The following IL5 variants were observed in gnomAD, a reference collection of about 807,000 sequenced individuals.
The protein encoded by IL5 is interleukin-5.
A neutral mutation model predicts 16.3 loss-of-function variants in IL5; 12 were observed. That is an observed-to-expected ratio of 0.74 (90% CI 0.47 to 1.20). IL5 has a LOEUF of 1.20. Among genes scored for constraint, IL5 ranks in the 50% most tolerant of loss-of-function variants. The pLI is 0.00. For missense variants in IL5, 159 were observed against 153.9 expected (o/e 1.03, Z -0.17); for synonymous variants, 54 against 56.6 (o/e 0.95, Z 0.21).
At position 132,541,800 on chromosome 5, in the gene IL5, C is replaced by T. The variant is rs766388694; in HGVS notation, c.*11G>A. On this transcript the variant is annotated 3_prime_UTR_variant, in exon 4 of 4. Coordinates refer to ENST00000231454, the MANE Select transcript of IL5 (RefSeq NM_000879.3). ...CTCCAAAATCTTTGGCTGCAACAAACCAGTTTAGTCTCAACTTTCTATTAT... is the reference window on the plus strand; with the variant it reads ...CTCCAAAATCTTTGGCTGCAACAAATCAGTTTAGTCTCAACTTTCTATTAT... 7 of 1,583,346 alleles carry T rather than the reference C, an allele frequency of 4.4e-6. No homozygotes were observed. In the South Asian group the frequency reaches 6.7e-5, roughly 15 times the overall value.
intron 2 of IL5, among the ~76,000 whole-genome samples, chr5:132,542,588 A>T (rs952790713): frequency 1.3e-5 from 2 of 152,184 alleles, no homozygotes; most frequent in South Asian, 4.1e-4. Flanking sequence ...GACTAATAAA[A>T]CTATATATTT....
At chr5:132,543,565 A>G, upstream of IL5, 1 of 1,357,098 alleles carries the variant, frequency 7.4e-7, no homozygotes, top group Non-Finnish European at 9.9e-7. Flanking sequence ...TCTGTCTTTG[A>G]GGAAATGAAT....
At chr5:132,546,950 T>A (rs1477728335), upstream of IL5, among the ~76,000 whole-genome samples, 3 of 152,098 alleles carry the variant, frequency 2.0e-5, no homozygotes, top group Non-Finnish European at 4.4e-5. Context: ...GGCGTGAACC[T>A]GGGAGGTGGA....
chr5:132,550,800 G>T (rs746386058), intron 1 of IL5, among the ~76,000 whole-genome samples: 5 of 152,200 alleles, frequency 3.3e-5, no homozygotes, highest in African/African-American at 4.8e-5. Flanking sequence ...GAAGGAAGAA[G>T]TGACGCAGAA....
intron 1 of IL5, among the ~76,000 whole-genome samples, chr5:132,552,365 T>C (rs1358454853): frequency 6.6e-6 from 1 of 152,232 alleles, no homozygotes; most frequent in African/African-American, 2.4e-5. Flanking sequence ...ATTTTTTATT[T>C]CATTAATTTT....
chr5:132,555,231 G>A (rs1311747195), intron 1 of IL5, among the ~76,000 whole-genome samples: 1 of 152,186 alleles, frequency 6.6e-6, no homozygotes, highest in Non-Finnish European at 1.5e-5. Context: ...CCCAGGGGTT[G>A]GGGACTGAGC....
At chr5:132,556,119 C>T (rs914113796) in intron 1 of IL5, 14 of 152,170 alleles carry the variant, frequency 9.2e-5, no homozygotes, top group African/African-American at 3.4e-4. Context: ...ACATTTCCTA[C>T]ATTTTTCCAA....
At chr5:132,556,801 C>A (rs1749994715) in exon 1 of IL5, 2 of 1,204,410 alleles carry the variant, frequency 1.7e-6, no homozygotes, top group Non-Finnish European at 2.1e-6. Context: ...CCTCTCCAGG[C>A]TGCCCATCCC....
intron 1 of IL5, among the ~76,000 whole-genome samples, chr5:132,548,641 C>T (rs868642188): frequency 1.3e-5 from 2 of 152,154 alleles, no homozygotes; most frequent in African/African-American, 4.8e-5. Context: ...CAGTCCCAGT[C>T]TGTGAGTGTG....
At chr5:132,545,949 CACAACA>C (rs140055064), upstream of IL5, among the ~76,000 whole-genome samples, 4 of 151,500 alleles carry the variant, frequency 2.6e-5, no homozygotes, top group Non-Finnish European at 4.4e-5. Context: ...AAACAAAAAG[CACAACA>C]ACAACAACAA....
intron 1 of IL5, among the ~76,000 whole-genome samples, chr5:132,548,672 C>A (rs887820342): frequency 2.0e-5 from 3 of 152,078 alleles, no homozygotes; most frequent in African/African-American, 7.2e-5. Context: ...TCTGTGTGTG[C>A]GTCTGTGTGC....
chr5:132,555,942 C>T (rs1749975576), intron 1 of IL5: 1 of 151,764 alleles, frequency 6.6e-6, no homozygotes, highest in Non-Finnish European at 1.5e-5. Context: ...TGTTTTGTTC[C>T]ATTAGTTATT....
chr5:132,548,180 G>A (rs925387813), upstream of IL5, among the ~76,000 whole-genome samples: 10 of 151,432 alleles, frequency 6.6e-5, no homozygotes, highest in Non-Finnish European at 1.3e-4. Flanking sequence ...AGGATCAATC[G>A]GGCCCAAGAG....
intron 1 of IL5, 102 bp from the exon 2 acceptor site, chr5:132,543,228 T>G: frequency 2.1e-6 from 3 of 1,402,344 alleles, no homozygotes; most frequent in Non-Finnish European, 3.0e-6. Context: ...TGTACTAATG[T>G]GCTCAGAATC....
chr5:132,543,010 C>T (rs1749722507), intron 2 of IL5, 84 bp downstream of exon 2: 1 of 1,006,940 alleles, frequency 9.9e-7, no homozygotes, highest in Non-Finnish European at 1.6e-6. Context: ...TTAAATAGTT[C>T]CAATGATAAC....
At chr5:132,543,638 A>G (rs1749738942), upstream of IL5, 1 of 513,198 alleles carries the variant, frequency 1.9e-6, no homozygotes, top group African/African-American at 1.9e-5. Flanking sequence ...AATGTTTCCA[A>G]TGCCTTATAT....
At chr5:132,551,850 G>C (rs2522408) in intron 1 of IL5, among the ~76,000 whole-genome samples, 147,756 of 152,300 alleles carry the variant, frequency 0.97, 71,841 homozygotes, top group East Asian at 1. Flanking sequence ...TATCAACTAG[G>C]CTATGATAAA....
chr5:132,550,904 AT>A (rs1308959733), intron 1 of IL5, among the ~76,000 whole-genome samples: 1 of 152,202 alleles, frequency 6.6e-6, no homozygotes, highest in Non-Finnish European at 1.5e-5. Context: ...TTTGTTTCTT[AT>A]TTGAAGACAA....
At position 132,541,691 on chromosome 5, in the gene IL5, T is replaced by C; in HGVS notation, c.*120A>G. The C allele has an allele frequency of 1.7e-6, 1 of 580,906 alleles. No homozygotes were observed. The highest frequency in any genetic ancestry group is 2.6e-5 in the South Asian group (1 of 38,528). 36.0% of individuals were successfully genotyped at this position (580,906 alleles called of 1,614,324 possible). ...TGTCAGTATGCCTGAAATATTTACT[T>C]TCCCTCTGAAGTTAAATTATACTGA... On this transcript the variant is annotated 3_prime_UTR_variant, in exon 4 of 4. Transcript: ENST00000231454.
Sources: gnomAD v4.1 joint callset for allele counts (sites outside exome capture counted in the v4.1 genomes callset) on GRCh38, gnomAD v4.1.1 for gene constraint, MANE v1.5 for transcripts, NCBI Gene and HGNC (gene_info 2026-07-23, HGNC 2026-07-21) for gene names.